The following SRGAP1 variants were observed in gnomAD, a reference collection of about 807,000 sequenced individuals.
SRGAP1 encodes SLIT-ROBO Rho GTPase activating protein 1.
Under a neutral mutation model 121.9 loss-of-function variants are expected in SRGAP1, and 43 were observed. That is an observed-to-expected ratio of 0.35 (90% confidence interval 0.28 to 0.46). SRGAP1 has a LOEUF of 0.46. SRGAP1 is among the 20% of genes least tolerant of loss of function. The pLI is 1.00. For missense variants in SRGAP1, 1,102 were observed against 1,350.9 expected (o/e 0.82, Z 2.89); for synonymous variants, 447 against 485.4 (o/e 0.92, Z 1.04).
At chr12:64,002,843 C>G (rs1034676428) in intron 3 of SRGAP1, among the ~76,000 whole-genome samples, 2 of 151,974 alleles carry the variant, frequency 1.3e-5, no homozygotes, top group Non-Finnish European at 2.9e-5. Context: ...TTAAACAAGA[C>G]TAGGAGTTTC....
At chr12:64,094,246 C>T (rs1244633728) in intron 12 of SRGAP1, among the ~76,000 whole-genome samples, 4 of 152,128 alleles carry the variant, frequency 2.6e-5, no homozygotes, top group Non-Finnish European at 5.9e-5. Flanking sequence ...TTTTAAAACA[C>T]TGCCACGGTT....
chr12:63,926,711 A>G lies in SRGAP1; in HGVS notation c.68-57236A>G, dbSNP rs147693741. On this transcript the variant is annotated intron_variant, in intron 1 of 21. Transcript: ENST00000355086. Reference sequence around the variant, plus strand: ...TTTTATGGTGAGACACTGGAAATTCATTCTTAGTTATTTTGAAATATACAA... The same window carrying G: ...TTTTATGGTGAGACACTGGAAATTCGTTCTTAGTTATTTTGAAATATACAA... Among the ~76,000 whole-genome samples the G allele has an allele frequency of 9.2e-5, 14 of 152,294 alleles. No individual in the cohort carries two copies. In the East Asian group the frequency reaches 2.7e-3, roughly 29 times the overall value.
intron 6 of SRGAP1, among the ~76,000 whole-genome samples, chr12:64,061,516 C>G (rs2035449915): frequency 6.6e-6 from 1 of 152,074 alleles, no homozygotes; most frequent in African/African-American, 2.4e-5. Flanking sequence ...TTTGATTTTG[C>G]CTCTTTTATG....
intron 1 of SRGAP1, among the ~76,000 whole-genome samples, chr12:63,967,540 G>A (rs1288769068): frequency 6.6e-6 from 1 of 152,208 alleles, no homozygotes; most frequent in Non-Finnish European, 1.5e-5. Context: ...TCTTATTGCA[G>A]GCAAGGAAAC....
Position 63,903,536 on chromosome 12 carries a change from G to A in SRGAP1, c.67+58653G>A, listed in dbSNP as rs530665956. On this transcript the variant is annotated intron_variant, in intron 1 of 21. Coordinates refer to ENST00000355086, the MANE Select transcript of SRGAP1 (RefSeq NM_020762.4). ...GCTGGGATAACAGGCGTGAGCCACC[G>A]CGCCCAGCCTGTTTTTTTGTTTGTT... 1.5e-4 allele frequency among the ~76,000 whole-genome samples: 23 copies of A among 148,418 alleles called. No individual in the cohort carries two copies. The East Asian group carries it at 3.7e-3, about 24-fold the overall frequency.
chr12:64,075,929 A>C (rs2035729295), intron 8 of SRGAP1, among the ~76,000 whole-genome samples: 1 of 152,126 alleles, frequency 6.6e-6, no homozygotes, highest in South Asian at 2.1e-4. Flanking sequence ...CAAAAAAAAA[A>C]AAAAGTAATT....
At chr12:63,892,418 C>T (rs12307006) in intron 1 of SRGAP1, among the ~76,000 whole-genome samples, 184 of 152,276 alleles carry the variant, frequency 1.2e-3, no homozygotes, top group African/African-American at 4.2e-3. Flanking sequence ...AGACAAATGC[C>T]TTCTATGTAA....
At chr12:63,919,640 C>T (rs934004934) in intron 1 of SRGAP1, among the ~76,000 whole-genome samples, 1 of 152,036 alleles carries the variant, frequency 6.6e-6, no homozygotes, top group South Asian at 2.1e-4. Flanking sequence ...CTTATCTGTG[C>T]TCTGCCCCAT....
At chr12:63,855,492 T>G (rs965746720) in intron 1 of SRGAP1, among the ~76,000 whole-genome samples, 57 of 133,298 alleles carry the variant, frequency 4.3e-4, no homozygotes, top group Non-Finnish European at 7.0e-4. Flanking sequence ...TTTTTTTTTT[T>G]TTTTTTTTTT....
At chr12:63,932,316 A>C (rs2031506762) in intron 1 of SRGAP1, among the ~76,000 whole-genome samples, 1 of 152,094 alleles carries the variant, frequency 6.6e-6, no homozygotes, top group African/African-American at 2.4e-5. Context: ...TGAGTTTGAA[A>C]ACCGTAGAAT....
At chr12:64,038,357 C>T (rs1045822374) in intron 4 of SRGAP1, among the ~76,000 whole-genome samples, 3 of 152,044 alleles carry the variant, frequency 2.0e-5, no homozygotes, top group African/African-American at 7.2e-5. Context: ...CAGGGACACA[C>T]AATTTGGCAT....
rs118130209 is a variant in SRGAP1, at chr12:63,979,462, C to G, written c.68-4485C>G. On this transcript the variant is annotated intron_variant, in intron 1 of 21. Coordinates refer to ENST00000355086, the MANE Select transcript of SRGAP1 (RefSeq NM_020762.4). ...ATATTTTCTCCCATCTATGGGTTGT[C>G]TTTTCACTTTCTTGGTGGTTACTGC... Among the ~76,000 whole-genome samples the G allele has an allele frequency of 7.2e-3, 1,086 of 151,870 alleles. 8 individuals are homozygous for G. Among genetic ancestry groups the G allele is most frequent in the Non-Finnish European group, 0.011 (777 of 67,940 alleles).
At chr12:64,077,980 G>A (rs542967822) in intron 8 of SRGAP1, among the ~76,000 whole-genome samples, 1 of 152,292 alleles carries the variant, frequency 6.6e-6, no homozygotes, top group South Asian at 2.1e-4. Flanking sequence ...GATCCAAATT[G>A]CCTTAAACAT....
At chr12:63,954,677 C>CAAAAAAAAAAAAAAAAAAAAA (rs60508657) in intron 1 of SRGAP1, among the ~76,000 whole-genome samples, 3 of 104,612 alleles carry the variant, frequency 2.9e-5, no homozygotes, top group African/African-American at 1.1e-4. Context: ...GACTCCATCT[C>CAAAAAAAAAAAAAAAAAAAAA]AAAAAAAAAA....
At chr12:63,952,426 G>A (rs573309381) in intron 1 of SRGAP1, among the ~76,000 whole-genome samples, 5 of 152,262 alleles carry the variant, frequency 3.3e-5, no homozygotes, top group African/African-American at 1.2e-4. Flanking sequence ...TGAGGTGGGA[G>A]GCTTGCTTGT....
At chr12:64,135,581 C>G (rs996317085) in intron 21 of SRGAP1, among the ~76,000 whole-genome samples, 1 of 152,192 alleles carries the variant, frequency 6.6e-6, no homozygotes, top group African/African-American at 2.4e-5. Flanking sequence ...CTCCTTGCCT[C>G]TCACGAGCGA....
Position 64,091,337 on chromosome 12 carries a change from A to G in SRGAP1, c.1498A>G (p.Asn500Asp), listed in dbSNP as rs1182492784. The G allele has an allele frequency of 6.2e-7, 1 of 1,611,478 alleles. No individual in the cohort carries two copies. Among genetic ancestry groups the G allele is most frequent in the South Asian group, 1.1e-5 (1 of 90,542 alleles). The change falls in exon 12 of 22, where the codon AAT (asparagine) becomes GAT (aspartate). Residue 500 changes from asparagine (N) to aspartate (D), a missense_variant. By Grantham distance (23) the Asn-to-Asp change is conservative (BLOSUM62 1). Coordinates refer to ENST00000355086, the MANE Select transcript of SRGAP1 (RefSeq NM_020762.4). ...HRKSRPRSQY[N>D]TKLFNGDLET... Reference sequence around the variant, plus strand: ...GAAGTCCAGGCCCCGCTCACAGTATAATACTAAGTTGTTTAATGGGGATTT... The same window carrying G: ...GAAGTCCAGGCCCCGCTCACAGTATGATACTAAGTTGTTTAATGGGGATTT...
At chr12:64,084,329 A>G (rs1301361075) in intron 10 of SRGAP1, among the ~76,000 whole-genome samples, 1 of 151,142 alleles carries the variant, frequency 6.6e-6, no homozygotes, top group African/African-American at 2.4e-5. Context: ...AATGGCTTAT[A>G]TGTTGGGGGG....
intron 1 of SRGAP1, among the ~76,000 whole-genome samples, chr12:63,908,379 T>A (rs563532682): frequency 9.1e-4 from 139 of 152,322 alleles, no homozygotes; most frequent in African/African-American, 3.1e-3. Flanking sequence ...TCTTCTTTAA[T>A]ATTTTTCAAC....
Sources: gnomAD v4.1 joint callset for allele counts (sites outside exome capture counted in the v4.1 genomes callset) on GRCh38, gnomAD v4.1.1 for gene constraint, MANE v1.5 for transcripts, NCBI Gene and HGNC (gene_info 2026-07-23, HGNC 2026-07-21) for gene names.